TENM3: variants seen among roughly 807,000 people sequenced by gnomAD.
The protein encoded by TENM3 is teneurin-3.
TENM3 carries 63 observed loss-of-function variants against 255.1 expected under a neutral mutation model. The observed-to-expected ratio is 0.25, with a 90% CI of 0.20 to 0.30. The LOEUF is 0.30. TENM3 is among the 10% of genes least tolerant of loss of function. The pLI is 1.00. For synonymous variants in TENM3, 1,306 were observed against 1,322.3 expected (o/e 0.99, Z 0.27); for missense variants, 2,929 against 3,461.1 (o/e 0.85, Z 3.86).
the TENM3 span, among the ~76,000 whole-genome samples, chr4:181,918,666 A>T: frequency 6.6e-6 from 1 of 152,144 alleles, no homozygotes; most frequent in African/African-American, 2.4e-5. Context: ...TTAATACATC[A>T]GTAATTTCCA....
intron 11 of TENM3, among the ~76,000 whole-genome samples, chr4:182,684,439 C>CCAAAAAAAAA (rs573559273): frequency 2.9e-5 from 2 of 69,960 alleles, no homozygotes; most frequent in South Asian, 6.7e-4. Context: ...GGCCCCATCA[C>CCAAAAAAAAA]AAAAAAAAAA....
chr4:181,993,437 G>A, the TENM3 span, among the ~76,000 whole-genome samples: 1 of 152,236 alleles, frequency 6.6e-6, no homozygotes, highest in African/African-American at 2.4e-5. Context: ...TAGTAATCGT[G>A]AGCAACTTCT....
intron 3 of TENM3, among the ~76,000 whole-genome samples, chr4:182,582,843 G>A (rs1251264435): frequency 6.6e-6 from 1 of 152,134 alleles, no homozygotes; most frequent in Non-Finnish European, 1.5e-5. Context: ...AAACATTGAA[G>A]GAAAGGCAAG....
At chr4:182,670,828 C>T (rs569867988) in intron 6 of TENM3, among the ~76,000 whole-genome samples, 3 of 152,144 alleles carry the variant, frequency 2.0e-5, no homozygotes, top group Non-Finnish European at 2.9e-5. Context: ...CACCCCACCA[C>T]CACACAAGAA....
At chr4:182,243,741 T>A (rs1036942126) in intron 1 of TENM3, among the ~76,000 whole-genome samples, 4 of 152,116 alleles carry the variant, frequency 2.6e-5, no homozygotes, top group African/African-American at 9.7e-5. Context: ...ATTCAGCACG[T>A]CCTTGTTTTA....
intron 3 of TENM3, among the ~76,000 whole-genome samples, chr4:182,524,294 C>G (rs2090131): frequency 0.36 from 54,331 of 149,672 alleles, 10,157 homozygotes; most frequent in Admixed American, 0.41. Flanking sequence ...TTGAGAACCA[C>G]TATACCATCT....
chr4:182,213,852 A>G (rs193255619), intron 1 of TENM3, among the ~76,000 whole-genome samples: 1,981 of 152,140 alleles, frequency 0.013, 50 homozygotes, highest in African/African-American at 0.046. Flanking sequence ...CCCAGGCTGG[A>G]GTGCAGTGGC....
the TENM3 span, among the ~76,000 whole-genome samples, chr4:182,076,801 G>A: frequency 9.2e-5 from 14 of 152,150 alleles, no homozygotes; most frequent in African/African-American, 3.4e-4. Context: ...CTCATCTGCT[G>A]AAAAGCAGCC....
At chr4:182,632,046 C>T (rs1751419448) in intron 5 of TENM3, among the ~76,000 whole-genome samples, 1 of 152,120 alleles carries the variant, frequency 6.6e-6, no homozygotes, top group Non-Finnish European at 1.5e-5. Flanking sequence ...TAATTGTAAT[C>T]CCACAGTGCA....
chr4:181,655,110 A>G, the TENM3 span, among the ~76,000 whole-genome samples: 1 of 152,226 alleles, frequency 6.6e-6, no homozygotes, highest in Non-Finnish European at 1.5e-5. Flanking sequence ...TCATGGGACG[A>G]GCTATTGCAA....
At chr4:181,862,233 A>G in the TENM3 span, among the ~76,000 whole-genome samples, 3 of 152,056 alleles carry the variant, frequency 2.0e-5, no homozygotes, top group Non-Finnish European at 4.4e-5. Flanking sequence ...ACACAAGCGC[A>G]CACACACACA....
intron 1 of TENM3, among the ~76,000 whole-genome samples, chr4:182,298,984 CAAAAAAAAAAAAAAAAAA>C (rs11283401): frequency 3.9e-4 from 10 of 25,554 alleles, no homozygotes; most frequent in Non-Finnish European, 5.5e-4. Context: ...GACTCCTTCT[CAAAAAAAAAAAAAAAAAA>C]AAAAAAAAAA....
chr4:182,555,044 G>A (rs1742445120), intron 3 of TENM3, among the ~76,000 whole-genome samples: 1 of 152,100 alleles, frequency 6.6e-6, no homozygotes, highest in South Asian at 2.1e-4. Flanking sequence ...TCCAAAAAAA[G>A]AAATCAGTGA....
At chr4:181,477,373 C>A in the TENM3 span, among the ~76,000 whole-genome samples, 1 of 152,002 alleles carries the variant, frequency 6.6e-6, no homozygotes, top group African/African-American at 2.4e-5. Context: ...TTACTTACTG[C>A]CATATATACT....
chr4:181,988,650 G>A, the TENM3 span, among the ~76,000 whole-genome samples: 3 of 152,054 alleles, frequency 2.0e-5, no homozygotes, highest in African/African-American at 4.8e-5. Flanking sequence ...TCCTTCCAAA[G>A]TGGCATCATA....
intron 3 of TENM3, among the ~76,000 whole-genome samples, chr4:182,405,555 C>G (rs1237606809): frequency 6.6e-6 from 1 of 152,216 alleles, no homozygotes; most frequent in Non-Finnish European, 1.5e-5. Flanking sequence ...TGAAGTGGCA[C>G]TTATCCATCC....
At chr4:181,537,177 TTTGA>T in the TENM3 span, among the ~76,000 whole-genome samples, 2 of 152,004 alleles carry the variant, frequency 1.3e-5, no homozygotes, top group South Asian at 2.1e-4. Flanking sequence ...AAGGTTGGGC[TTTGA>T]TTAAGAAAGG....
the TENM3 span, among the ~76,000 whole-genome samples, chr4:181,880,761 T>C: frequency 6.6e-6 from 1 of 152,142 alleles, no homozygotes; most frequent in East Asian, 1.9e-4. Context: ...TAGTTAAAAA[T>C]TCATACAAAT....
At chr4:181,525,396 C>CAAAAAAAAAAAAAA in the TENM3 span, among the ~76,000 whole-genome samples, 10 of 97,290 alleles carry the variant, frequency 1.0e-4, 1 homozygote, top group East Asian at 6.9e-4. Flanking sequence ...GACCCTGTTT[C>CAAAAAAAAAAAAAA]AAAAAAAAAA....
Sources: allele counts gnomAD v4.1 joint callset (sites outside exome capture counted in the v4.1 genomes callset), GRCh38; gene constraint gnomAD v4.1.1; transcripts MANE v1.5; gene names NCBI Gene and HGNC (gene_info 2026-07-23, HGNC 2026-07-21).